Variants in GRM7 observed in about 807,000 individuals in gnomAD.
The protein encoded by GRM7 is glutamate metabotropic receptor 7.
GRM7 carries 35 observed loss-of-function variants against 84.5 expected under a neutral mutation model. The observed-to-expected ratio is 0.41, with a 90% CI of 0.32 to 0.55. The LOEUF (loss-of-function observed/expected upper bound fraction) is 0.55, where lower values mean the gene tolerates loss of function less well. GRM7 is among the 20% of genes least tolerant of loss of function. The pLI, the probability that GRM7 is intolerant of heterozygous loss-of-function variation, is 0.19. For missense variants in GRM7, 1,003 were observed against 1,194.6 expected, an observed-to-expected ratio of 0.84 and a Z score of 2.36; for synonymous variants, 487 against 455.1, an observed-to-expected ratio of 1.07 and a Z score of -0.89.
At chr3:6,881,687 A>T (rs1327997994) in intron 1 of GRM7, among the ~76,000 whole-genome samples, 4 of 152,172 alleles carry the variant, frequency 2.6e-5, no homozygotes, top group African/African-American at 7.2e-5. Context: ...CATGAAAAAA[A>T]ACTCAACATC....
rs894855852 is a variant in GRM7 at position 6,861,861 on chromosome 3, G to A, written c.473G>A (p.Gly158Glu). The change falls in exon 1 of 10, where the codon GGG becomes GAG. Residue 158 changes from glycine to glutamate, a missense_variant. Physicochemically the swap from Gly to Glu is moderately conservative, Grantham distance 98. Around this residue, in one of 2 missense-constraint regions of GRM7, gnomAD observed 910 missense variants for 1,126.0 expected, o/e 0.81. Coordinates refer to ENST00000357716, the MANE Select transcript of GRM7 (RefSeq NM_000844.4). The surrounding 1 kb of genome is among the most constrained non-coding windows in gnomAD (Gnocchi z 6.4). ...EKVVGVIGAS[G>E]SSVSIMVANI... ...GTAGTTGGAGTGATTGGGGCTTCGG[G>A]GAGTTCGGTCTCCATCATGGTAGCC... 6.2e-7 allele frequency: 1 copy of A among 1,613,980 alleles called. No homozygotes were observed. Among genetic ancestry groups the A allele is most frequent in the Non-Finnish European group, 8.5e-7 (1 of 1,179,956 alleles).
intron 1 of GRM7, among the ~76,000 whole-genome samples, chr3:7,068,344 A>G (rs1164688977): frequency 6.6e-6 from 1 of 152,068 alleles, no homozygotes; most frequent in African/African-American, 2.4e-5. Flanking sequence ...TGATGTCAGC[A>G]TAATGTGGGA....
chr3:7,060,640 T>C (rs566319461), intron 1 of GRM7, among the ~76,000 whole-genome samples: 3 of 151,890 alleles, frequency 2.0e-5, no homozygotes, highest in Admixed American at 6.6e-5. Context: ...TCAAGTTTGG[T>C]CATTTATTTA....
At chr3:7,527,159 A>T (rs1468508190) in intron 7 of GRM7, among the ~76,000 whole-genome samples, 1 of 151,956 alleles carries the variant, frequency 6.6e-6, no homozygotes, top group Non-Finnish European at 1.5e-5. Flanking sequence ...AATCCATAAA[A>T]GAGGGACATT....
At chr3:7,309,815 C>T (rs1007857681) in intron 4 of GRM7, among the ~76,000 whole-genome samples, 18 of 152,194 alleles carry the variant, frequency 1.2e-4, no homozygotes, top group African/African-American at 4.1e-4. Flanking sequence ...GAGCCAGTTT[C>T]CTGGAGGGGT....
chr3:6,904,031 T>G (rs951108972), intron 1 of GRM7, among the ~76,000 whole-genome samples: 1 of 152,188 alleles, frequency 6.6e-6, no homozygotes, highest in Admixed American at 6.5e-5. Flanking sequence ...TATTGATTTT[T>G]TAATGTTGTA....
At chr3:7,323,341 A>G (rs1433418393) in intron 4 of GRM7, among the ~76,000 whole-genome samples, 1 of 152,162 alleles carries the variant, frequency 6.6e-6, no homozygotes, top group Non-Finnish European at 1.5e-5. Context: ...GACATGTCCC[A>G]GGCTAGCAGC....
intron 7 of GRM7, among the ~76,000 whole-genome samples, chr3:7,555,167 A>G (rs770415289): frequency 1.3e-5 from 2 of 152,242 alleles, no homozygotes; most frequent in Non-Finnish European, 2.9e-5. Flanking sequence ...TAACTGGTAC[A>G]ACCCTTAAGC....
intron 1 of GRM7, among the ~76,000 whole-genome samples, chr3:6,970,983 AAAACAAACAAAC>A (rs71063280): frequency 1.1e-4 from 16 of 149,088 alleles, no homozygotes; most frequent in South Asian, 8.7e-4. Flanking sequence ...CTCTGTCTCA[AAAACAAACAAAC>A]AAACAAACAA....
intron 1 of GRM7, among the ~76,000 whole-genome samples, chr3:6,913,090 C>A (rs1437396259): frequency 6.6e-6 from 1 of 152,098 alleles, no homozygotes; most frequent in Non-Finnish European, 1.5e-5. Flanking sequence ...TTTCCTAAGC[C>A]CTCTCCTAAT....
At chr3:7,024,316 T>C (rs771294283) in intron 1 of GRM7, among the ~76,000 whole-genome samples, 2 of 152,208 alleles carry the variant, frequency 1.3e-5, no homozygotes, top group Non-Finnish European at 2.9e-5. Context: ...CATCCTGCTA[T>C]GCAATGAAGG....
At chr3:6,898,515 A>G (rs534419247) in intron 1 of GRM7, among the ~76,000 whole-genome samples, 15 of 152,126 alleles carry the variant, frequency 9.9e-5, no homozygotes, top group African/African-American at 3.4e-4. Flanking sequence ...TAAAGTCAAT[A>G]TTTGAATAAC....
chr3:7,062,013 A>G (rs982217648), intron 1 of GRM7, among the ~76,000 whole-genome samples: 2 of 151,770 alleles, frequency 1.3e-5, no homozygotes, highest in African/African-American at 4.8e-5. Flanking sequence ...GTGTTTCACC[A>G]GGAGAAAATC....
At chr3:7,610,378 G>T (rs1696795026) in intron 8 of GRM7, among the ~76,000 whole-genome samples, 2 of 152,156 alleles carry the variant, frequency 1.3e-5, no homozygotes, top group South Asian at 4.1e-4. Context: ...CAGCCCTGCT[G>T]TCATTGGTTC....
At chr3:7,175,003 C>T (rs78378678) in intron 2 of GRM7, among the ~76,000 whole-genome samples, 34,247 of 151,974 alleles carry the variant, frequency 0.23, 4,286 homozygotes, top group Non-Finnish European at 0.28. Flanking sequence ...AAGTCAAGAA[C>T]ATAAGAGGTC....
At chr3:7,336,321 A>T (rs540861961) in intron 4 of GRM7, among the ~76,000 whole-genome samples, 10 of 152,174 alleles carry the variant, frequency 6.6e-5, no homozygotes, top group African/African-American at 2.2e-4. Flanking sequence ...GCAAAAAAAA[A>T]GCACTTGGCA....
At chr3:7,297,259 T>A (rs1559214486) in intron 2 of GRM7, among the ~76,000 whole-genome samples, 1 of 152,170 alleles carries the variant, frequency 6.6e-6, no homozygotes, top group African/African-American at 2.4e-5. Context: ...ATGCATGGGT[T>A]ATTTGGTAGT....
chr3:6,929,913 T>C (rs1161728171), intron 1 of GRM7, among the ~76,000 whole-genome samples: 2 of 152,150 alleles, frequency 1.3e-5, no homozygotes, highest in Non-Finnish European at 2.9e-5. Flanking sequence ...ACGCTTCTCC[T>C]CCGGAGATCA....
chr3:7,075,117 C>CA (rs1559422472), intron 1 of GRM7, among the ~76,000 whole-genome samples: 1 of 152,028 alleles, frequency 6.6e-6, no homozygotes, highest in Admixed American at 6.5e-5. Context: ...GGGATTTATG[C>CA]AAAAAAGAAT....
Sources: gnomAD v4.1 joint callset for allele counts (sites outside exome capture counted in the v4.1 genomes callset) on GRCh38, gnomAD v4.1.1 for gene constraint, gnomAD v4.1.1 regional missense constraint, Gnocchi (gnomAD v3.1) non-coding constraint, MANE v1.5 for transcripts, NCBI Gene and HGNC (gene_info 2026-07-23, HGNC 2026-07-21) for gene names.